Variants in ATP8B4 observed in about 807,000 individuals in gnomAD.
The protein encoded by ATP8B4 is probable phospholipid-transporting ATPase IM.
A neutral mutation model predicts 145.6 loss-of-function variants in ATP8B4; 133 were observed. That is an observed-to-expected ratio of 0.91 (90% confidence interval 0.79 to 1.05). The LOEUF (loss-of-function observed/expected upper bound fraction) is 1.05, where lower values mean the gene tolerates loss of function less well. ATP8B4 is among the 50% of genes least tolerant of loss of function. ATP8B4 has a pLI of 0.00. For missense variants in ATP8B4, 1,458 were observed against 1,425.2 expected (o/e 1.02, Z -0.37); for synonymous variants, 507 against 492.9 (o/e 1.03, Z -0.38).
At chr15:50,005,839 A>G (rs550449800) in intron 7 of ATP8B4, among the ~76,000 whole-genome samples, 5 of 152,322 alleles carry the variant, frequency 3.3e-5, no homozygotes, top group South Asian at 4.1e-4. Flanking sequence ...CAAAACTACA[A>G]TGGTGAAAGA....
rs2040064352 is a variant in ATP8B4 at position 49,919,559 on chromosome 15, AGGCGCCCGCCACCGCACCCGGCT to A, written c.1924-632_1924-610del. 2.0e-5 allele frequency among the ~76,000 whole-genome samples: 3 copies of A among 152,192 alleles called. No homozygotes were observed. In the South Asian group the frequency reaches 6.2e-4, roughly 32 times the overall value. ...CAGCCTCCCAAGTAGTTGGGACTAC[AGGCGCCCGCCACCGCACCCGGCT>A]AATTTTTTGTAATTTTAGTAGAGAC... On this transcript the variant is annotated intron_variant, in intron 18 of 27. Transcript: ENST00000284509.
chr15:50,173,966 C>T (rs1178487182), intron 1 of ATP8B4, among the ~76,000 whole-genome samples: 1 of 152,208 alleles, frequency 6.6e-6, no homozygotes, highest in Admixed American at 6.5e-5. Flanking sequence ...GGTTTCATAC[C>T]GGGGATGCAG....
chr15:50,156,618 G>T (rs2044424482), intron 1 of ATP8B4, among the ~76,000 whole-genome samples: 1 of 152,140 alleles, frequency 6.6e-6, no homozygotes, highest in Non-Finnish European at 1.5e-5. Context: ...AAACTTAGTA[G>T]GCTCTACGTG....
At chr15:49,972,883 TC>T in intron 12 of ATP8B4, 93 bp from the exon 13 acceptor site, 1 of 1,285,210 alleles carries the variant, frequency 7.8e-7, no homozygotes, top group Non-Finnish European at 1.1e-6. Flanking sequence ...TGCCAAAGTC[TC>T]CAGGGGTTAG....
intron 20 of ATP8B4, among the ~76,000 whole-genome samples, chr15:49,902,697 G>A (rs2038171142): frequency 6.6e-6 from 1 of 152,184 alleles, no homozygotes; most frequent in Admixed American, 6.5e-5. Context: ...GAGAGGATCA[G>A]ACTTTCCCAT....
At chr15:50,060,663 G>A (rs905244808) in intron 3 of ATP8B4, among the ~76,000 whole-genome samples, 1 of 152,092 alleles carries the variant, frequency 6.6e-6, no homozygotes, top group Non-Finnish European at 1.5e-5. Context: ...CTTTGCTTTT[G>A]CCAAAATCTT....
intron 14 of ATP8B4, among the ~76,000 whole-genome samples, chr15:49,944,293 A>T (rs73398823): frequency 0.023 from 3,512 of 152,294 alleles, 136 homozygotes; most frequent in African/African-American, 0.082. Context: ...TTTTTAAAAA[A>T]TCATCACCCA....
chr15:50,175,902 T>A (rs2044755140), intron 1 of ATP8B4, among the ~76,000 whole-genome samples: 1 of 152,134 alleles, frequency 6.6e-6, no homozygotes, highest in African/African-American at 2.4e-5. Flanking sequence ...TGCACACGCA[T>A]GTTTATAGCA....
intron 2 of ATP8B4, among the ~76,000 whole-genome samples, chr15:50,089,572 T>A (rs2055457054): frequency 6.6e-6 from 1 of 152,170 alleles, no homozygotes; most frequent in African/African-American, 2.4e-5. Flanking sequence ...CACAGTGAGA[T>A]ACTATCTCAC....
At chr15:49,895,993 G>T (rs1219934263) in intron 23 of ATP8B4, 1 of 152,156 alleles carries the variant, frequency 6.6e-6, no homozygotes. Flanking sequence ...TTAGCAGATG[G>T]TCTTGCTTTG....
chr15:49,978,856 C>T (rs1316605612), intron 12 of ATP8B4, among the ~76,000 whole-genome samples: 3 of 144,428 alleles, frequency 2.1e-5, no homozygotes, highest in African/African-American at 7.8e-5. Flanking sequence ...TGTTTGTGTG[C>T]ATAGACAGAG....
chr15:50,067,006 C>T (rs767533044), intron 3 of ATP8B4, among the ~76,000 whole-genome samples: 7 of 152,114 alleles, frequency 4.6e-5, no homozygotes, highest in Non-Finnish European at 8.8e-5. Context: ...GTCCTCTCTT[C>T]GTTCACTTCA....
intron 14 of ATP8B4, among the ~76,000 whole-genome samples, chr15:49,940,079 G>A (rs999673638): frequency 7.9e-5 from 12 of 152,052 alleles, no homozygotes; most frequent in East Asian, 1.9e-4. Flanking sequence ...TTGTTCTGCC[G>A]AAAATACACA....
intron 1 of ATP8B4, among the ~76,000 whole-genome samples, chr15:50,133,535 G>A (rs34958490): frequency 0.15 from 23,247 of 152,046 alleles, 2,134 homozygotes; most frequent in Non-Finnish European, 0.21. Flanking sequence ...GGAGGCTGCA[G>A]TGAGCCATGA....
intron 7 of ATP8B4, among the ~76,000 whole-genome samples, chr15:50,005,104 C>A (rs576810923): frequency 1.3e-5 from 2 of 152,288 alleles, no homozygotes; most frequent in Admixed American, 1.3e-4. Flanking sequence ...CTATCATATG[C>A]CCCATATTTA....
chr15:50,104,539 T>C (rs1055680423), intron 2 of ATP8B4, among the ~76,000 whole-genome samples: 2 of 152,112 alleles, frequency 1.3e-5, no homozygotes, highest in Non-Finnish European at 2.9e-5. Context: ...TGATACCACC[T>C]CCCTGCTGCA....
chr15:49,862,206 A>G, intron 27 of ATP8B4, 39 bp downstream of exon 27: 15 of 1,592,986 alleles, frequency 9.4e-6, no homozygotes, highest in Non-Finnish European at 1.2e-5. Context: ...TCAAGAGCCA[A>G]AAACCAGCCT....
chr15:49,919,580 G>T (rs901684173), intron 18 of ATP8B4, among the ~76,000 whole-genome samples: 1 of 152,100 alleles, frequency 6.6e-6, no homozygotes, highest in African/African-American at 2.4e-5. Flanking sequence ...ACCGCACCCG[G>T]CTAATTTTTT....
chr15:50,047,522 T>C (rs891054780), intron 3 of ATP8B4, 58 bp from the exon 4 acceptor site: 2 of 1,059,174 alleles, frequency 1.9e-6, no homozygotes, highest in South Asian at 1.3e-5. Flanking sequence ...TGATCAGAAA[T>C]AGCTCTAAAA....
Sources: allele counts gnomAD v4.1 joint callset (sites outside exome capture counted in the v4.1 genomes callset), GRCh38; gene constraint gnomAD v4.1.1; transcripts MANE v1.5; gene names NCBI Gene and HGNC (gene_info 2026-07-23, HGNC 2026-07-21).